Variants in OTUD7A observed in about 807,000 individuals in gnomAD.
OTUD7A encodes OTU deubiquitinase 7A.
In OTUD7A, 12 loss-of-function variants were observed where a neutral mutation model predicts 65.7. That is an observed-to-expected ratio of 0.18 (90% CI 0.12 to 0.30). The LOEUF is 0.30. Ranked by LOEUF, OTUD7A falls within the 10% of genes least tolerant of loss-of-function variation. The pLI, the probability that OTUD7A is intolerant of heterozygous loss-of-function variation, is 1.00. For missense variants in OTUD7A, 1,148 were observed against 1,304.8 expected (o/e 0.88, Z 1.85); for synonymous variants, 641 against 586.3 (o/e 1.09, Z -1.35).
At chr15:31,777,981 G>A (rs953550562) in intron 1 of OTUD7A, among the ~76,000 whole-genome samples, 6 of 152,192 alleles carry the variant, frequency 3.9e-5, no homozygotes, top group African/African-American at 1.2e-4. Flanking sequence ...GGAGGAAATG[G>A]AGCGGCTCTT....
intron 1 of OTUD7A, among the ~76,000 whole-genome samples, chr15:31,827,181 CTG>C (rs1369139497): frequency 6.6e-6 from 1 of 152,204 alleles, no homozygotes; most frequent in East Asian, 1.9e-4. Flanking sequence ...AAAGACATAA[CTG>C]AGACTGGGCA....
At chr15:31,668,475 T>G (rs1892379405) in intron 1 of OTUD7A, among the ~76,000 whole-genome samples, 2 of 152,218 alleles carry the variant, frequency 1.3e-5, no homozygotes, top group Non-Finnish European at 2.9e-5. Context: ...TTTCTATAAG[T>G]GTGTCCAGTG....
chr15:31,517,955 C>T (rs955245381), intron 8 of OTUD7A, among the ~76,000 whole-genome samples: 1 of 152,154 alleles, frequency 6.6e-6, no homozygotes, highest in African/African-American at 2.4e-5. Context: ...CACCCAGCCA[C>T]CCAGACGGAG....
intron 1 of OTUD7A, among the ~76,000 whole-genome samples, chr15:31,716,758 T>A (rs1443212978): frequency 6.6e-6 from 1 of 150,554 alleles, no homozygotes; most frequent in African/African-American, 2.4e-5. Flanking sequence ...GTACCTGGAC[T>A]ACACTATGCA....
chr15:31,801,212 C>T (rs912644735), intron 1 of OTUD7A, among the ~76,000 whole-genome samples: 5 of 152,236 alleles, frequency 3.3e-5, no homozygotes, highest in African/African-American at 1.2e-4. Flanking sequence ...CCAGGGCCAG[C>T]GGGCATTGCT....
intron 3 of OTUD7A, among the ~76,000 whole-genome samples, chr15:31,617,978 T>A (rs541281385): frequency 9.4e-5 from 14 of 149,356 alleles, no homozygotes; most frequent in African/African-American, 3.5e-4. Flanking sequence ...CCTTCCTGTG[T>A]CCAAGTGTTC....
chr15:31,524,861 T>C (rs1356402267), intron 8 of OTUD7A, among the ~76,000 whole-genome samples: 1 of 152,156 alleles, frequency 6.6e-6, no homozygotes, highest in East Asian at 1.9e-4. Context: ...AGACACCAAG[T>C]GGCCCCTGTG....
At chr15:31,591,604 T>C (rs1046810357) in intron 3 of OTUD7A, among the ~76,000 whole-genome samples, 1 of 152,182 alleles carries the variant, frequency 6.6e-6, no homozygotes, top group Non-Finnish European at 1.5e-5. Flanking sequence ...TTCTCCAGCA[T>C]GCTGACTGCA....
chr15:31,772,147 G>A (rs552423867), intron 1 of OTUD7A, among the ~76,000 whole-genome samples: 117 of 150,122 alleles, frequency 7.8e-4, no homozygotes, highest in African/African-American at 2.7e-3. Flanking sequence ...AGCTACTTGG[G>A]AGGCTGAGGC....
At chr15:31,709,065 G>C (rs1470086283) in intron 1 of OTUD7A, among the ~76,000 whole-genome samples, 5 of 151,554 alleles carry the variant, frequency 3.3e-5, no homozygotes, top group African/African-American at 1.2e-4. Context: ...TAATGCAAAA[G>C]ACCTGCAGGA....
intron 1 of OTUD7A, among the ~76,000 whole-genome samples, chr15:31,726,776 G>T (rs1369799239): frequency 6.6e-6 from 1 of 152,206 alleles, no homozygotes; most frequent in Non-Finnish European, 1.5e-5. Context: ...CTCAATGTTA[G>T]AAGTGACGAT....
intron 1 of OTUD7A, among the ~76,000 whole-genome samples, chr15:31,856,905 G>A (rs924255964): frequency 2.0e-5 from 3 of 152,210 alleles, no homozygotes; most frequent in East Asian, 1.9e-4. Flanking sequence ...TGGACAGAGC[G>A]CTGTCACTGG....
chr15:31,747,086 A>C (rs1009422463), intron 1 of OTUD7A, among the ~76,000 whole-genome samples: 6 of 152,162 alleles, frequency 3.9e-5, no homozygotes, highest in Non-Finnish European at 1.5e-5. Flanking sequence ...ATTTGATGGC[A>C]ATTCTGATAC....
chr15:31,618,607 C>T (rs1289206124), intron 3 of OTUD7A, among the ~76,000 whole-genome samples: 5 of 152,128 alleles, frequency 3.3e-5, no homozygotes, highest in Non-Finnish European at 5.9e-5. Flanking sequence ...ATATCCTTTG[C>T]CCACTTGTTG....
At chr15:31,522,875 A>G (rs1376480187) in intron 8 of OTUD7A, among the ~76,000 whole-genome samples, 1 of 152,186 alleles carries the variant, frequency 6.6e-6, no homozygotes, top group Non-Finnish European at 1.5e-5. Context: ...AACAAGTTTA[A>G]AATGACTCCA....
At chr15:31,793,459 C>T (rs1356706352) in intron 1 of OTUD7A, among the ~76,000 whole-genome samples, 1 of 152,208 alleles carries the variant, frequency 6.6e-6, no homozygotes, top group Non-Finnish European at 1.5e-5. Context: ...CATCCCTCCT[C>T]TATGGTCCAT....
intron 1 of OTUD7A, among the ~76,000 whole-genome samples, chr15:31,800,093 T>C (rs1464920169): frequency 2.0e-5 from 3 of 152,126 alleles, no homozygotes; most frequent in African/African-American, 7.2e-5. Flanking sequence ...GGCAGTGATA[T>C]TAGGAGCACA....
intron 1 of OTUD7A, among the ~76,000 whole-genome samples, chr15:31,790,791 T>C (rs1008157626): frequency 8.5e-5 from 13 of 152,176 alleles, no homozygotes; most frequent in African/African-American, 3.1e-4. Context: ...GAGCTATAGA[T>C]GCTGCCTCAT....
chr15:31,504,151 G>T (rs1462672501), intron 8 of OTUD7A, among the ~76,000 whole-genome samples: 1 of 152,180 alleles, frequency 6.6e-6, no homozygotes, highest in South Asian at 2.1e-4. Flanking sequence ...TGGCTTTCTG[G>T]GGGTGTTTCA....
Sources: gnomAD v4.1 joint callset for allele counts (sites outside exome capture counted in the v4.1 genomes callset) on GRCh38, gnomAD v4.1.1 for gene constraint, MANE v1.5 for transcripts, NCBI Gene and HGNC (gene_info 2026-07-23, HGNC 2026-07-21) for gene names.